Variants in SCAMP1 observed in about 807,000 individuals in gnomAD.
The protein encoded by SCAMP1 is secretory carrier-associated membrane protein 1.
SCAMP1 carries 15 observed loss-of-function variants against 41.8 expected under a neutral mutation model. That is an observed-to-expected ratio of 0.36 (90% CI 0.24 to 0.55). The LOEUF (loss-of-function observed/expected upper bound fraction) is 0.55, where lower values mean the gene tolerates loss of function less well. Ranked by LOEUF, SCAMP1 falls within the 20% of genes least tolerant of loss-of-function variation. The pLI, the probability that SCAMP1 is intolerant of heterozygous loss-of-function variation, is 0.86. For missense variants in SCAMP1, 341 were observed against 412.6 expected (o/e 0.83, Z 1.50); for synonymous variants, 135 against 136.8 (o/e 0.99, Z 0.09).
chr5:78,466,592 G>A (rs141248740), intron 8 of SCAMP1, among the ~76,000 whole-genome samples: 130 of 152,236 alleles, frequency 8.5e-4, no homozygotes, highest in African/African-American at 2.9e-3. Flanking sequence ...GTGAGCTGGG[G>A]CTAGGAGAAT....
At chr5:78,441,591 A>G (rs561691203) in intron 6 of SCAMP1, among the ~76,000 whole-genome samples, 1 of 152,346 alleles carries the variant, frequency 6.6e-6, no homozygotes, top group Admixed American at 6.5e-5. Flanking sequence ...AGGCAGGCGG[A>G]TTACCTGATG....
chr5:78,385,738 A>G (rs73130377), intron 1 of SCAMP1, among the ~76,000 whole-genome samples: 6,994 of 152,012 alleles, frequency 0.046, 577 homozygotes, highest in African/African-American at 0.16. Context: ...TTTAATTTCC[A>G]TGTATTTTTA....
chr5:78,471,730 A>G (rs901361547), intron 8 of SCAMP1, among the ~76,000 whole-genome samples: 31 of 152,306 alleles, frequency 2.0e-4, no homozygotes, highest in African/African-American at 7.5e-4. Context: ...ATGGAGCCGC[A>G]TCTACATTTT....
chr5:78,417,892 A>T lies in SCAMP1; in HGVS notation c.344-883A>T, dbSNP rs190222776. 2.0e-5 allele frequency among the ~76,000 whole-genome samples: 3 copies of T among 152,368 alleles called. No homozygotes were observed. The East Asian group carries it at 5.8e-4, about 29-fold the overall frequency. ...TCAGAAATAGGTTATTGTTCTTTCT[A>T]TAAAAATTACCCTGGTCTGGGAAAA... On this transcript the variant is annotated intron_variant, in intron 4 of 8. Coordinates refer to ENST00000621999, the MANE Select transcript of SCAMP1 (RefSeq NM_004866.6).
At chr5:78,471,836 G>C (rs1753889445) in intron 8 of SCAMP1, among the ~76,000 whole-genome samples, 1 of 152,150 alleles carries the variant, frequency 6.6e-6, no homozygotes, top group Admixed American at 6.5e-5. Context: ...GGAAAACTCA[G>C]AGGAGCAGAT....
rs567725227 is a variant in SCAMP1, at chr5:78,387,625, C to G, written c.58-1212C>G. On this transcript the variant is annotated intron_variant, in intron 1 of 8. Transcript: ENST00000621999. Reference sequence around the variant, plus strand: ...GATCTGGAACTCAAGGGCTGCTGTTCAGTTTCTTTTGTCCCACGGGGTGCT... The same window carrying G: ...GATCTGGAACTCAAGGGCTGCTGTTGAGTTTCTTTTGTCCCACGGGGTGCT... Among the ~76,000 whole-genome samples the G allele has an allele frequency of 3.9e-5, 6 of 152,198 alleles. No individual in the cohort carries two copies. In the East Asian group the frequency reaches 9.6e-4, roughly 24 times the overall value.
chr5:78,469,298 G>C (rs1580721812), intron 8 of SCAMP1, among the ~76,000 whole-genome samples: 2 of 152,068 alleles, frequency 1.3e-5, no homozygotes, highest in Non-Finnish European at 2.9e-5. Flanking sequence ...CGTCTTTGCT[G>C]ACTAGGAATC....
At chr5:78,396,993 TTC>T (rs897130224) in intron 2 of SCAMP1, among the ~76,000 whole-genome samples, 47 of 152,152 alleles carry the variant, frequency 3.1e-4, no homozygotes, top group Non-Finnish European at 5.6e-4. Context: ...TAGACAACTC[TTC>T]ATAGGATTTT....
chr5:78,454,792 G>A (rs1012909879), intron 7 of SCAMP1, among the ~76,000 whole-genome samples: 11 of 152,218 alleles, frequency 7.2e-5, no homozygotes, highest in East Asian at 1.9e-4. Flanking sequence ...GATCGAATTC[G>A]GCTGTGAATC....
At chr5:78,443,379 G>C (rs1277479661) in intron 6 of SCAMP1, among the ~76,000 whole-genome samples, 3 of 152,252 alleles carry the variant, frequency 2.0e-5, no homozygotes, top group Admixed American at 6.5e-5. Context: ...GGTGTTGTAA[G>C]GTTTGAATGG....
intron 6 of SCAMP1, among the ~76,000 whole-genome samples, chr5:78,424,244 T>TA: frequency 6.6e-6 from 1 of 152,204 alleles, no homozygotes; most frequent in East Asian, 1.9e-4. Context: ...ACCTTCCTGT[T>TA]ATGTATCTTT....
At chr5:78,416,159 G>T (rs772726737) in intron 3 of SCAMP1, among the ~76,000 whole-genome samples, 5 of 152,118 alleles carry the variant, frequency 3.3e-5, no homozygotes, top group Middle Eastern at 3.4e-3. Flanking sequence ...TGATTAATAG[G>T]AGCCAATTCA....
intron 7 of SCAMP1, among the ~76,000 whole-genome samples, chr5:78,455,494 T>C (rs1167629687): frequency 7.6e-6 from 1 of 131,350 alleles, no homozygotes; most frequent in Non-Finnish European, 1.6e-5. Flanking sequence ...TTGAGTGGTT[T>C]TGAGTGAGAT....
chr5:78,452,874 G>T (rs1444748081), intron 7 of SCAMP1, among the ~76,000 whole-genome samples: 1 of 149,448 alleles, frequency 6.7e-6, no homozygotes, highest in South Asian at 2.2e-4. Flanking sequence ...TTTAATGATC[G>T]CCATTCTAAC....
rs1753521346 is a variant in SCAMP1, at chr5:78,459,288, G to C, written c.778G>C (p.Val260Leu). 1.2e-5 allele frequency: 19 copies of C among 1,606,982 alleles called. No homozygotes were observed. In the East Asian group the frequency reaches 4.2e-4, roughly 36 times the overall value. ...SLTGLNQNIP[V>L]GIMMIIIAAL... ...TACTGGTCTCAACCAAAATATTCCT[G>C]TTGGAATCATGATGATAATCATAGC... The change falls in exon 8 of 9, where the codon GTT becomes CTT. Residue 260 changes from valine to leucine, a missense_variant. Transcript: ENST00000621999.
chr5:78,466,398 T>C (rs1368496851), intron 8 of SCAMP1, among the ~76,000 whole-genome samples: 1 of 152,178 alleles, frequency 6.6e-6, no homozygotes, highest in Non-Finnish European at 1.5e-5. Flanking sequence ...AGCTGAGATA[T>C]AATGATGGCT....
chr5:78,418,725 C>T (rs1346533348), intron 4 of SCAMP1, 50 bp from the exon 5 acceptor site: 2 of 1,173,152 alleles, frequency 1.7e-6, no homozygotes, highest in Non-Finnish European at 2.4e-6. Context: ...AATAATATCA[C>T]ATTTGTTATA....
Position 78,445,138 on chromosome 5 carries a change from C to G in SCAMP1, c.633-4795C>G, listed in dbSNP as rs952726935. Among the ~76,000 whole-genome samples the G allele has an allele frequency of 2.6e-5, 4 of 152,110 alleles. No individual in the cohort carries two copies. In the East Asian group the frequency reaches 7.7e-4, roughly 29 times the overall value. On this transcript the variant is annotated intron_variant, in intron 6 of 8. Transcript: ENST00000621999. ...CAAATGGTAGTTGTAATTAATATCT[C>G]TGGTATTGATTTGGCATGTGAAATA...
At chr5:78,377,140 C>T (rs753206347) in intron 1 of SCAMP1, among the ~76,000 whole-genome samples, 6 of 152,036 alleles carry the variant, frequency 3.9e-5, no homozygotes, top group Non-Finnish European at 8.8e-5. Flanking sequence ...TGATGATCTG[C>T]AGGACATTGT....
Sources: allele counts gnomAD v4.1 joint callset (sites outside exome capture counted in the v4.1 genomes callset), GRCh38; gene constraint gnomAD v4.1.1; transcripts MANE v1.5; gene names NCBI Gene and HGNC (gene_info 2026-07-23, HGNC 2026-07-21).